ZNF644: variants seen among roughly 807,000 people sequenced by gnomAD.
The protein encoded by ZNF644 is zinc finger motif enhancer binding protein 2.
Under a neutral mutation model 108.0 loss-of-function variants are expected in ZNF644, and 20 were observed. The observed-to-expected ratio is 0.19, with a 90% CI of 0.13 to 0.27. ZNF644 has a LOEUF of 0.27. Ranked by LOEUF, ZNF644 falls within the 10% of genes least tolerant of loss-of-function variation. The probability of loss-of-function intolerance (pLI) is 1.00; values close to 1 mark genes in which losing one functional copy is unlikely to be tolerated. For missense variants in ZNF644, 1,338 were observed against 1,548.9 expected (o/e 0.86, Z 2.29); for synonymous variants, 542 against 539.1 (o/e 1.01, Z -0.08).
Position 90,937,756 on chromosome 1 carries a change from C to T in ZNF644, c.3417G>A (p.Val1139=). The change falls in exon 4 of 6, where the codon GTG becomes GTA. Residue 1139 remains valine (V), a synonymous_variant. Transcript: ENST00000337393. ...TCAGCCCTTCTTCTTCTGATGCAGA[C>T]ACTGACAGAGCTTCAGTCTTTAGGC... is the stretch of plus-strand genomic sequence containing the variant. ...RNGLKTEALS[V]SASEEEGLNF... 6.2e-7 allele frequency: 1 copy of T among 1,613,872 alleles called. No homozygotes were observed. Among genetic ancestry groups the T allele is most frequent in the East Asian group, 2.2e-5 (1 of 44,866 alleles).
chr1:90,950,293 AGGGGAGGGGAGGGG>A, intron 2 of ZNF644, among the ~76,000 whole-genome samples: 1 of 12,756 alleles, frequency 7.8e-5, no homozygotes, highest in Non-Finnish European at 1.5e-4. Context: ...AGGGAAGGGA[AGGGGAGGGGAGGGG>A]ACAAAAGAAA....
At chr1:90,963,087 T>C (rs1164843182) in intron 2 of ZNF644, among the ~76,000 whole-genome samples, 1 of 152,064 alleles carries the variant, frequency 6.6e-6, no homozygotes, top group African/African-American at 2.4e-5. Flanking sequence ...TAAAAACTCC[T>C]AAAAACAAAA....
chr1:90,952,520 T>C (rs1212112563), intron 2 of ZNF644, among the ~76,000 whole-genome samples: 1 of 152,116 alleles, frequency 6.6e-6, no homozygotes, highest in Non-Finnish European at 1.5e-5. Flanking sequence ...TGTATTACAA[T>C]GACCACTGAG....
chr1:90,917,935 T>A, intron 5 of ZNF644, 117 bp downstream of exon 5: 4 of 843,440 alleles, frequency 4.7e-6, no homozygotes, highest in Non-Finnish European at 6.0e-6. Context: ...AGTTCATTTA[T>A]AACTTGATTG....
intron 4 of ZNF644, among the ~76,000 whole-genome samples, chr1:90,922,670 A>G (rs1314953296): frequency 1.3e-5 from 2 of 152,066 alleles, no homozygotes; most frequent in Admixed American, 6.6e-5. Flanking sequence ...TGGTGTACAG[A>G]CTATTTCATC....
chr1:90,941,626 C>T (rs868435301), intron 2 of ZNF644, among the ~76,000 whole-genome samples: 3 of 152,188 alleles, frequency 2.0e-5, no homozygotes, highest in Non-Finnish European at 2.9e-5. Context: ...TATACACAGA[C>T]TCAAAAACAA....
Position 90,941,263 on chromosome 1 carries a change from T to C in ZNF644, c.91A>G (p.Ile31Val). ...TTAGCACCAGTAATATCGGTGTTTA[T>C]CTTCAAATCATCCATATTGTTGGCA... ...GLANNMDDLK[I>V]NTDITGAKEE... Residue 31 changes from isoleucine to valine, a missense_variant, in exon 3 of 6, where the codon ATA (isoleucine) becomes GTA (valine). Coordinates refer to ENST00000337393, the MANE Select transcript of ZNF644 (RefSeq NM_201269.3). 6.3e-7 allele frequency: 1 copy of C among 1,599,304 alleles called. No individual in the cohort carries two copies. The highest frequency in any genetic ancestry group is 8.5e-7 in the Non-Finnish European group (1 of 1,176,280).
chr1:90,997,246 A>T (rs1658235257), intron 1 of ZNF644, among the ~76,000 whole-genome samples: 1 of 152,186 alleles, frequency 6.6e-6, no homozygotes, highest in Non-Finnish European at 1.5e-5. Context: ...AGTAAAAAGT[A>T]AGGCAGAGTT....
At chr1:91,012,481 AG>A (rs1022220575) in intron 1 of ZNF644, among the ~76,000 whole-genome samples, 21 of 152,138 alleles carry the variant, frequency 1.4e-4, no homozygotes, top group African/African-American at 4.8e-4. Context: ...CTGTCTCAAA[AG>A]AAAAAAAAAG....
chr1:90,959,036 A>C (rs1654047937), intron 2 of ZNF644, among the ~76,000 whole-genome samples: 2 of 152,208 alleles, frequency 1.3e-5, no homozygotes, highest in South Asian at 2.1e-4. Context: ...GAAATATATT[A>C]ATATCCAGAA....
At chr1:91,019,900 C>G (rs72724417) in intron 1 of ZNF644, among the ~76,000 whole-genome samples, 3,369 of 152,296 alleles carry the variant, frequency 0.022, 49 homozygotes, top group Non-Finnish European at 0.035. Flanking sequence ...CACAGAAGTT[C>G]TCATGAACCT....
At chr1:90,965,988 T>G (rs1654829260) in intron 2 of ZNF644, among the ~76,000 whole-genome samples, 1 of 152,138 alleles carries the variant, frequency 6.6e-6, no homozygotes, top group Non-Finnish European at 1.5e-5. Context: ...TGACCTCAGG[T>G]GATCCACCCA....
intron 1 of ZNF644, among the ~76,000 whole-genome samples, chr1:91,018,399 AAT>A (rs1489024290): frequency 6.6e-6 from 1 of 152,222 alleles, no homozygotes; most frequent in Non-Finnish European, 1.5e-5. Flanking sequence ...CCATATACGA[AAT>A]AGACATTCTC....
intron 1 of ZNF644, among the ~76,000 whole-genome samples, chr1:91,019,168 C>T (rs562023047): frequency 6.6e-6 from 1 of 152,286 alleles, no homozygotes; most frequent in Admixed American, 6.5e-5. Flanking sequence ...ACTGTCACTA[C>T]TTGTTCAATT....
intron 1 of ZNF644, among the ~76,000 whole-genome samples, chr1:90,987,217 A>AG (rs1369408137): frequency 6.6e-6 from 1 of 150,792 alleles, no homozygotes; most frequent in Non-Finnish European, 1.5e-5. Context: ...AGACAAGGAA[A>AG]GAAAAAAACT....
At chr1:90,971,433 G>A (rs1655465353) in intron 2 of ZNF644, among the ~76,000 whole-genome samples, 1 of 149,746 alleles carries the variant, frequency 6.7e-6, no homozygotes, top group African/African-American at 2.5e-5. Flanking sequence ...CTTTTTTTTT[G>A]GTGGGGGGAC....
At chr1:90,999,262 T>G (rs1037936806) in intron 1 of ZNF644, among the ~76,000 whole-genome samples, 1 of 151,942 alleles carries the variant, frequency 6.6e-6, no homozygotes, top group Non-Finnish European at 1.5e-5. Context: ...AAAGTTGAAA[T>G]GAAGGAAAAA....
intron 2 of ZNF644, among the ~76,000 whole-genome samples, chr1:90,952,754 T>G (rs955074456): frequency 2.0e-5 from 3 of 152,078 alleles, no homozygotes; most frequent in Non-Finnish European, 4.4e-5. Flanking sequence ...AACATCTAGT[T>G]GGAATCCCGG....
At chr1:90,930,152 G>A (rs1650567871) in intron 4 of ZNF644, among the ~76,000 whole-genome samples, 1 of 152,126 alleles carries the variant, frequency 6.6e-6, no homozygotes, top group East Asian at 1.9e-4. Flanking sequence ...CGGGCGTGAT[G>A]GCGTGTGCCT....
Sources: gnomAD v4.1 joint callset for allele counts (sites outside exome capture counted in the v4.1 genomes callset) on GRCh38, gnomAD v4.1.1 for gene constraint, MANE v1.5 for transcripts, NCBI Gene and HGNC (gene_info 2026-07-23, HGNC 2026-07-21) for gene names.